The following NCKAP5 variants were observed in gnomAD, a reference collection of about 807,000 sequenced individuals.
The protein encoded by NCKAP5 is nck-associated protein 5.
NCKAP5 carries 92 observed loss-of-function variants against 167.0 expected under a neutral mutation model. The ratio of observed to expected loss-of-function variants is 0.55; its 90% CI spans 0.47 to 0.66. The LOEUF (loss-of-function observed/expected upper bound fraction) is 0.66. Ranked by LOEUF, NCKAP5 falls within the 30% of genes least tolerant of loss-of-function variation. The pLI is 0.00. For missense variants in NCKAP5, 2,378 were observed against 2,315.0 expected, an observed-to-expected ratio of 1.03 and a Z score of -0.56; for synonymous variants, 891 against 877.4, an observed-to-expected ratio of 1.02 and a Z score of -0.27.
the NCKAP5 span, among the ~76,000 whole-genome samples, chr2:133,674,258 C>T: frequency 8.6e-5 from 13 of 151,344 alleles, no homozygotes; most frequent in African/African-American, 2.7e-4. Flanking sequence ...AAAAAAAACA[C>T]GATTGACATG....
chr2:132,742,863 C>T (rs572388136), intron 16 of NCKAP5, among the ~76,000 whole-genome samples: 6 of 151,882 alleles, frequency 4.0e-5, no homozygotes, highest in East Asian at 3.9e-4. Flanking sequence ...GAAATGTTGA[C>T]GAAGGGAAGA....
At chr2:133,002,835 T>C (rs1391488783) in intron 6 of NCKAP5, among the ~76,000 whole-genome samples, 4 of 152,200 alleles carry the variant, frequency 2.6e-5, no homozygotes, top group Admixed American at 6.5e-5. Context: ...TGATTGAACC[T>C]AATGGATTTT....
chr2:132,827,511 TCAAA>T (rs1239110481), intron 11 of NCKAP5, among the ~76,000 whole-genome samples: 3 of 152,214 alleles, frequency 2.0e-5, no homozygotes, highest in African/African-American at 7.2e-5. Context: ...ATCCATCATC[TCAAA>T]CATTTATCTT....
intron 3 of NCKAP5, among the ~76,000 whole-genome samples, chr2:133,459,118 C>T (rs1214780886): frequency 6.6e-6 from 1 of 152,142 alleles, no homozygotes; most frequent in Admixed American, 6.5e-5. Flanking sequence ...TAACACAAAG[C>T]CTTGGTCAAT....
At chr2:133,114,588 C>CT (rs2082014439) in intron 6 of NCKAP5, among the ~76,000 whole-genome samples, 1 of 152,072 alleles carries the variant, frequency 6.6e-6, no homozygotes, top group Non-Finnish European at 1.5e-5. Flanking sequence ...CATTTGTTTT[C>CT]TTTTTTGCAG....
At chr2:132,974,286 T>C (rs746268563) in intron 7 of NCKAP5, among the ~76,000 whole-genome samples, 2 of 152,190 alleles carry the variant, frequency 1.3e-5, no homozygotes, top group African/African-American at 2.4e-5. Flanking sequence ...TACTAATTCA[T>C]AGCAACAATA....
rs372936008 is a variant in NCKAP5, at chr2:133,532,463, T to C, written c.-61-14876A>G. On this transcript the variant is annotated intron_variant, in intron 2 of 19. Transcript: ENST00000409261. ...TAGCAATTTATACTTATATCACCCA[T>C]GTTAAAAGTTCTTGTTTTTCTCTTT... Among the ~76,000 whole-genome samples the C allele has an allele frequency of 7.2e-5, 11 of 152,298 alleles. No individual in the cohort carries two copies. The South Asian group carries it at 8.3e-4, about 11-fold the overall frequency.
At chr2:133,498,911 G>T (rs1682223089) in intron 3 of NCKAP5, among the ~76,000 whole-genome samples, 1 of 152,204 alleles carries the variant, frequency 6.6e-6, no homozygotes, top group South Asian at 2.1e-4. Flanking sequence ...AGATACAATT[G>T]TTTTATGGCT....
At chr2:133,472,001 T>A (rs1363072581) in intron 3 of NCKAP5, among the ~76,000 whole-genome samples, 1 of 152,196 alleles carries the variant, frequency 6.6e-6, no homozygotes, top group Non-Finnish European at 1.5e-5. Flanking sequence ...TTGAGTAAAC[T>A]TCTAGAAGCA....
At chr2:132,801,137 A>T (rs920645623) in intron 11 of NCKAP5, among the ~76,000 whole-genome samples, 1 of 152,120 alleles carries the variant, frequency 6.6e-6, no homozygotes, top group Non-Finnish European at 1.5e-5. Context: ...CATGCAGACA[A>T]CTCAGCACAG....
intron 3 of NCKAP5, among the ~76,000 whole-genome samples, chr2:133,441,780 G>C (rs1447040104): frequency 6.6e-6 from 1 of 152,038 alleles, no homozygotes; most frequent in African/African-American, 2.4e-5. Context: ...CTTTAAATGA[G>C]GTCTTCATAG....
intron 6 of NCKAP5, among the ~76,000 whole-genome samples, chr2:132,995,459 T>A (rs943550347): frequency 7.2e-5 from 11 of 151,768 alleles, no homozygotes; most frequent in African/African-American, 2.7e-4. Flanking sequence ...GAAACTAGCC[T>A]GACCAATATG....
intron 2 of NCKAP5, among the ~76,000 whole-genome samples, chr2:133,535,195 T>C (rs1459244328): frequency 6.6e-6 from 1 of 152,146 alleles, no homozygotes; most frequent in Non-Finnish European, 1.5e-5. Flanking sequence ...CATGCATATA[T>C]TGCATAATGA....
chr2:133,086,258 A>T (rs2080986833), intron 6 of NCKAP5, among the ~76,000 whole-genome samples: 1 of 152,186 alleles, frequency 6.6e-6, no homozygotes, highest in African/African-American at 2.4e-5. Context: ...TTTTCATTTT[A>T]GTGGAGAAAA....
intron 3 of NCKAP5, among the ~76,000 whole-genome samples, chr2:133,472,671 T>C (rs775517077): frequency 2.0e-5 from 3 of 152,122 alleles, no homozygotes; most frequent in Admixed American, 6.5e-5. Context: ...AAATGTACCA[T>C]GTAATCACAT....
At chr2:133,166,776 A>G (rs2084018753) in intron 5 of NCKAP5, among the ~76,000 whole-genome samples, 1 of 152,200 alleles carries the variant, frequency 6.6e-6, no homozygotes, top group Admixed American at 6.5e-5. Context: ...ACTGAACTAC[A>G]GCTACCAAAA....
intron 6 of NCKAP5, among the ~76,000 whole-genome samples, chr2:133,041,452 T>C (rs964881210): frequency 6.6e-6 from 1 of 152,206 alleles, no homozygotes; most frequent in Non-Finnish European, 1.5e-5. Flanking sequence ...TTTGAGAATA[T>C]TCATATCAGA....
chr2:133,470,884 C>G (rs530059804), intron 3 of NCKAP5, among the ~76,000 whole-genome samples: 48 of 152,232 alleles, frequency 3.2e-4, no homozygotes, highest in Non-Finnish European at 5.6e-4. Flanking sequence ...GCATGGTGCG[C>G]GCACCCACTG....
At chr2:133,110,537 G>C (rs554019545) in intron 6 of NCKAP5, among the ~76,000 whole-genome samples, 5 of 152,278 alleles carry the variant, frequency 3.3e-5, no homozygotes, top group African/African-American at 1.2e-4. Context: ...AAAACCTAGT[G>C]CATCTGTCTG....
Sources: gnomAD v4.1 joint callset for allele counts (sites outside exome capture counted in the v4.1 genomes callset) on GRCh38, gnomAD v4.1.1 for gene constraint, MANE v1.5 for transcripts, NCBI Gene and HGNC (gene_info 2026-07-23, HGNC 2026-07-21) for gene names.